Variants in CTNNA3 observed in about 807,000 individuals in gnomAD.
CTNNA3 encodes catenin alpha 3, also known as catenin alpha-3.
A neutral mutation model predicts 95.7 loss-of-function variants in CTNNA3; 76 were observed. The ratio of observed to expected loss-of-function variants is 0.79; its 90% confidence interval spans 0.66 to 0.96. The LOEUF (loss-of-function observed/expected upper bound fraction) is 0.96, where lower values mean the gene tolerates loss of function less well. Ranked by LOEUF, CTNNA3 falls within the 40% of genes least tolerant of loss-of-function variation. The pLI, the probability that CTNNA3 is intolerant of heterozygous loss-of-function variation, is 0.00. For synonymous variants in CTNNA3, 431 were observed against 374.4 expected, an observed-to-expected ratio of 1.15 and a Z score of -1.74; for missense variants, 1,191 against 1,089.8, an observed-to-expected ratio of 1.09 and a Z score of -1.31.
At chr10:66,780,948 A>G (rs1474710319) in intron 7 of CTNNA3, among the ~76,000 whole-genome samples, 2 of 152,192 alleles carry the variant, frequency 1.3e-5, no homozygotes, top group Non-Finnish European at 2.9e-5. Flanking sequence ...TTGTAGAATA[A>G]TATGTTACTT....
chr10:66,054,119 A>G (rs2080022500), intron 15 of CTNNA3, among the ~76,000 whole-genome samples: 2 of 152,236 alleles, frequency 1.3e-5, no homozygotes, highest in South Asian at 4.1e-4. Context: ...TTCTTTATCC[A>G]TTTATCCTTT....
At chr10:66,149,136 T>C (rs1483828294) in intron 13 of CTNNA3, among the ~76,000 whole-genome samples, 4 of 149,204 alleles carry the variant, frequency 2.7e-5, no homozygotes, top group Non-Finnish European at 5.9e-5. Flanking sequence ...TAAATGCATA[T>C]ATATCTAACG....
At chr10:66,051,128 G>T (rs761747671) in intron 15 of CTNNA3, among the ~76,000 whole-genome samples, 1 of 152,078 alleles carries the variant, frequency 6.6e-6, no homozygotes, top group Non-Finnish European at 1.5e-5. Context: ...TCCCATCTTA[G>T]CCTCCCAAAG....
chr10:67,476,091 C>T (rs1018604634), intron 5 of CTNNA3, among the ~76,000 whole-genome samples: 2 of 152,200 alleles, frequency 1.3e-5, no homozygotes, highest in African/African-American at 4.8e-5. Flanking sequence ...AATGATGTCA[C>T]ATTTGCTACA....
At chr10:66,986,658 T>C (rs1431562226) in intron 7 of CTNNA3, among the ~76,000 whole-genome samples, 1 of 152,176 alleles carries the variant, frequency 6.6e-6, no homozygotes, top group Non-Finnish European at 1.5e-5. Context: ...ATGAATCAAC[T>C]ATAGTCAACT....
At chr10:67,303,634 TAACTAGATTCC>T (rs1840418823) in intron 5 of CTNNA3, among the ~76,000 whole-genome samples, 1 of 152,244 alleles carries the variant, frequency 6.6e-6, no homozygotes, top group African/African-American at 2.4e-5. Flanking sequence ...TTTAAGCTAA[TAACTAGATTCC>T]AATAAGAAAG....
At chr10:66,769,548 C>G (rs1276220222) in intron 8 of CTNNA3, among the ~76,000 whole-genome samples, 2 of 152,178 alleles carry the variant, frequency 1.3e-5, no homozygotes, top group Non-Finnish European at 2.9e-5. Flanking sequence ...CTGGGGGGAA[C>G]AGTTCCATGT....
At chr10:67,689,630 A>G (rs527858625) in intron 1 of CTNNA3, among the ~76,000 whole-genome samples, 23 of 152,216 alleles carry the variant, frequency 1.5e-4, no homozygotes, top group Admixed American at 2.0e-4. Context: ...TCATGGCCGC[A>G]GGGTCAACCA....
chr10:66,903,146 G>A (rs1323832907), intron 7 of CTNNA3, among the ~76,000 whole-genome samples: 3 of 152,044 alleles, frequency 2.0e-5, no homozygotes, highest in South Asian at 2.1e-4. Context: ...CTGGCAAACC[G>A]AATCCAGCAG....
At chr10:66,730,613 T>C (rs1317014869) in intron 9 of CTNNA3, among the ~76,000 whole-genome samples, 1 of 152,122 alleles carries the variant, frequency 6.6e-6, no homozygotes, top group Non-Finnish European at 1.5e-5. Flanking sequence ...ACTTAAAATT[T>C]AAAAAAAGAC....
intron 13 of CTNNA3, among the ~76,000 whole-genome samples, chr10:66,137,881 T>G (rs893407659): frequency 6.6e-6 from 1 of 151,806 alleles, no homozygotes; most frequent in Non-Finnish European, 1.5e-5. Context: ...GTCCAGGAGG[T>G]GGAGGTTGCA....
At chr10:66,616,333 A>G (rs1344987008) in intron 10 of CTNNA3, among the ~76,000 whole-genome samples, 1 of 152,068 alleles carries the variant, frequency 6.6e-6, no homozygotes, top group Non-Finnish European at 1.5e-5. Flanking sequence ...GCTCTGTTAA[A>G]AAACTCTTCT....
In CTNNA3 at chr10:66,318,261, G is replaced by GATATAT. The variant is rs1554932044; in HGVS notation, c.1733-37646_1733-37641dup. ...TCATTTGCAGGTGGAGTTGCTGGGA[G>GATATAT]ATATATATATATATATGTGTGTGTG... On this transcript the variant is annotated intron_variant, in intron 12 of 17. Coordinates refer to ENST00000433211, the MANE Select transcript of CTNNA3 (RefSeq NM_013266.4). Among the ~76,000 whole-genome samples the GATATAT allele has an allele frequency of 6.6e-3, 902 of 137,498 alleles. 7 individuals carry two copies. Among genetic ancestry groups the GATATAT allele is most frequent in the Middle Eastern group, 0.014 (4 of 278 alleles). 90.2% of individuals were successfully genotyped at this position (137,498 alleles called of 152,430 possible). A position where few individuals can be genotyped will look rare whatever the true frequency, so the allele number is the denominator to read the frequency against.
intron 13 of CTNNA3, among the ~76,000 whole-genome samples, chr10:66,233,225 A>G (rs1362360686): frequency 6.6e-6 from 1 of 151,950 alleles, no homozygotes; most frequent in Non-Finnish European, 1.5e-5. Flanking sequence ...ATATGAAAGG[A>G]AAAACAATAA....
chr10:65,949,044 A>G (rs551700976), intron 17 of CTNNA3, among the ~76,000 whole-genome samples: 6 of 149,926 alleles, frequency 4.0e-5, no homozygotes, highest in Non-Finnish European at 7.4e-5. Flanking sequence ...GTAATTTTTC[A>G]GAAGCAGGTG....
Position 65,920,379 on chromosome 10 carries a change from ATTT to A in CTNNA3, c.2636_2638del (p.Lys879del). On this transcript the variant is annotated inframe_deletion, in exon 18 of 18. Coordinates refer to ENST00000433211, the MANE Select transcript of CTNNA3 (RefSeq NM_013266.4). ...TTCACTCATGACTTGCAATGGATGG[ATTT>A]TTTTCTTTGCTGAGCCTCGTCTGAC... 6.2e-7 allele frequency: 1 copy of A among 1,613,958 alleles called. No individual in the cohort carries two copies. Among genetic ancestry groups the A allele is most frequent in the African/African-American group, 1.3e-5 (1 of 74,962 alleles).
chr10:66,724,191 A>C (rs1848713087), intron 9 of CTNNA3, among the ~76,000 whole-genome samples: 1 of 152,138 alleles, frequency 6.6e-6, no homozygotes, highest in Non-Finnish European at 1.5e-5. Flanking sequence ...TTTGCTATTG[A>C]CTGGTAGAGA....
intron 3 of CTNNA3, among the ~76,000 whole-genome samples, chr10:67,541,049 C>T (rs1033651880): frequency 1.3e-5 from 2 of 151,696 alleles, no homozygotes; most frequent in African/African-American, 4.8e-5. Context: ...ACTTATTTTA[C>T]CAGGCCCCTA....
At chr10:67,497,518 A>G (rs1364838272) in intron 5 of CTNNA3, among the ~76,000 whole-genome samples, 2 of 152,226 alleles carry the variant, frequency 1.3e-5, no homozygotes, top group African/African-American at 2.4e-5. Flanking sequence ...ACTGTCTTCC[A>G]CAATGGTTGA....
Sources: allele counts gnomAD v4.1 joint callset (sites outside exome capture counted in the v4.1 genomes callset), GRCh38; gene constraint gnomAD v4.1.1; transcripts MANE v1.5; gene names NCBI Gene and HGNC (gene_info 2026-07-23, HGNC 2026-07-21).